The following TLCD4 variants were observed in gnomAD, a reference collection of about 807,000 sequenced individuals.
TLCD4 encodes the protein TLC domain-containing protein 4.
A neutral mutation model predicts 24.2 loss-of-function variants in TLCD4; 7 were observed. That is an observed-to-expected ratio of 0.29 (90% CI 0.16 to 0.54). The LOEUF is 0.54. Ranked by LOEUF, TLCD4 falls within the 20% of genes least tolerant of loss-of-function variation. The probability of loss-of-function intolerance (pLI) is 0.95; values close to 1 mark genes in which losing one functional copy is unlikely to be tolerated. For synonymous variants in TLCD4, 103 were observed against 106.4 expected, an observed-to-expected ratio of 0.97 and a Z score of 0.20; for missense variants, 259 against 313.9, an observed-to-expected ratio of 0.82 and a Z score of 1.32.
chr1:95,190,051 T>G (rs1176883975), intron 6 of TLCD4, among the ~76,000 whole-genome samples: 3 of 152,158 alleles, frequency 2.0e-5, no homozygotes, highest in Non-Finnish European at 2.9e-5. Context: ...ATTTTAGCTA[T>G]TTTAATAGGT....
intron 1 of TLCD4, among the ~76,000 whole-genome samples, chr1:95,119,035 T>G (rs1310710353): frequency 1.3e-5 from 2 of 152,226 alleles, no homozygotes; most frequent in African/African-American, 4.8e-5. Context: ...TTTATCTGTT[T>G]AGGCTGGATG....
chr1:95,173,972 G>A, intron 6 of TLCD4, 83 bp downstream of exon 6: 1 of 1,563,954 alleles, frequency 6.4e-7, no homozygotes, highest in Non-Finnish European at 8.8e-7. Flanking sequence ...TGATCCTCAA[G>A]TTACTATATA....
chr1:95,111,293 T>TAAAACAAAAC, the TLCD4 span, among the ~76,000 whole-genome samples: 1 of 145,012 alleles, frequency 6.9e-6, no homozygotes, highest in Non-Finnish European at 1.5e-5. Flanking sequence ...TTGTGTCTCT[T>TAAAACAAAAC]AAAACAAAAC....
the TLCD4 span, among the ~76,000 whole-genome samples, chr1:95,105,893 T>TCAAAAAAAAAAAAAAA: frequency 8.9e-4 from 92 of 102,828 alleles, 9 homozygotes; most frequent in East Asian, 1.1e-3. Flanking sequence ...AGACTCCGTC[T>TCAAAAAAAAAAAAAAA]TAAAAAAAAA....
chr1:95,112,858 G>A (rs1676366253), upstream of TLCD4, among the ~76,000 whole-genome samples: 1 of 151,966 alleles, frequency 6.6e-6, no homozygotes, highest in African/African-American at 2.4e-5. Flanking sequence ...CTAAAATTTA[G>A]GTTAGATACA....
At chr1:95,162,366 C>T (rs1345489951) in intron 5 of TLCD4, among the ~76,000 whole-genome samples, 6 of 138,178 alleles carry the variant, frequency 4.3e-5, no homozygotes, top group Non-Finnish European at 1.0e-4. Context: ...AGATCTTCCT[C>T]CATTTCTTTA....
chr1:95,107,333 G>A, the TLCD4 span, among the ~76,000 whole-genome samples: 1 of 152,194 alleles, frequency 6.6e-6, no homozygotes, highest in Admixed American at 6.5e-5. Context: ...TGAGGCAGGA[G>A]AATGGCGTGA....
chr1:95,148,713 C>T lies in TLCD4; in HGVS notation c.167C>T (p.Thr56Ile), dbSNP rs1047773498. Residue 56 changes from threonine to isoleucine, a missense_variant, in exon 3 of 7, where the codon ACA becomes ATA. Transcript: ENST00000370203. ...KIEWNSRVVS[T>I]CHSLVVGIFG... ...TTGTTTAATTTCAGGGTAGTATCCA[C>T]ATGCCATTCTTTGGTGGTTGGTATT... is the stretch of plus-strand genomic sequence containing the variant. 1 of 1,613,684 alleles carries T rather than the reference C, an allele frequency of 6.2e-7. No homozygotes were observed. Among genetic ancestry groups the T allele is most frequent in the Admixed American group, 1.7e-5 (1 of 60,002 alleles).
the TLCD4 span, among the ~76,000 whole-genome samples, chr1:95,098,179 C>T: frequency 7.9e-5 from 12 of 152,080 alleles, no homozygotes; most frequent in African/African-American, 2.9e-4. Flanking sequence ...GATTCTGGCT[C>T]AAAGAGGTTC....
intron 4 of TLCD4, among the ~76,000 whole-genome samples, 172 bp downstream of exon 4, chr1:95,150,438 G>T (rs1677463466): frequency 6.6e-6 from 1 of 152,076 alleles, no homozygotes; most frequent in Non-Finnish European, 1.5e-5. Context: ...TCATGAAATG[G>T]TTTTCTGTTT....
Position 95,151,304 on chromosome 1 carries a change from ACTCACTT to A in TLCD4, c.305-20_305-14del. ...CAACTTTCTTCTTATGTAATACCTT[ACTCACTT>A]TTCTTTCTTACAGATTTGTCCATTA... On this transcript the variant is annotated splice_polypyrimidine_tract_variant and intron_variant, in intron 4 of 6. Coordinates refer to ENST00000370203, the MANE Select transcript of TLCD4 (RefSeq NM_152487.3). 6.2e-7 allele frequency: 1 copy of A among 1,609,908 alleles called. No individual in the cohort carries two copies. Among genetic ancestry groups the A allele is most frequent in the Non-Finnish European group, 8.5e-7 (1 of 1,176,872 alleles).
At chr1:95,172,093 C>T (rs982836100) in intron 5 of TLCD4, among the ~76,000 whole-genome samples, 3 of 152,186 alleles carry the variant, frequency 2.0e-5, no homozygotes, top group African/African-American at 7.2e-5. Context: ...GCAGAGAGCT[C>T]ATGACCCTGT....
chr1:95,173,509 G>T (rs547033288), intron 5 of TLCD4, among the ~76,000 whole-genome samples: 17 of 152,270 alleles, frequency 1.1e-4, no homozygotes, highest in Admixed American at 1.1e-3. Context: ...ATTACTAATG[G>T]TTATTTAGAG....
intron 1 of TLCD4, among the ~76,000 whole-genome samples, chr1:95,139,959 C>T (rs187642951): frequency 6.6e-6 from 1 of 152,284 alleles, no homozygotes; most frequent in East Asian, 1.9e-4. Flanking sequence ...ATATCATTGT[C>T]GTCCACCTCC....
intron 5 of TLCD4, among the ~76,000 whole-genome samples, chr1:95,154,967 G>A (rs770778346): frequency 2.4e-4 from 36 of 151,206 alleles, no homozygotes; most frequent in Non-Finnish European, 1.2e-4. Context: ...ATTCCAATTT[G>A]GGATGCCCAG....
chr1:95,175,191 C>T (rs950796511), intron 6 of TLCD4, among the ~76,000 whole-genome samples: 5 of 152,202 alleles, frequency 3.3e-5, no homozygotes, highest in African/African-American at 1.2e-4. Context: ...GCCCATTAAA[C>T]ACTAATTTCG....
At chr1:95,095,536 T>C in the TLCD4 span, among the ~76,000 whole-genome samples, 1 of 152,140 alleles carries the variant, frequency 6.6e-6, no homozygotes, top group Admixed American at 6.5e-5. Flanking sequence ...TAGCTGGGAT[T>C]ACAGGTGCCT....
At chr1:95,169,046 A>ATG (rs1678120864) in intron 5 of TLCD4, among the ~76,000 whole-genome samples, 8 of 151,912 alleles carry the variant, frequency 5.3e-5, no homozygotes, top group Admixed American at 3.9e-4. Context: ...TGCTCAGCGC[A>ATG]GTTTCTGAGA....
the TLCD4 span, among the ~76,000 whole-genome samples, chr1:95,102,017 A>G: frequency 6.6e-6 from 1 of 152,254 alleles, no homozygotes; most frequent in Non-Finnish European, 1.5e-5. Context: ...TTAATAGGCA[A>G]TAAAGAGTAA....
Sources: gnomAD v4.1 joint callset for allele counts (sites outside exome capture counted in the v4.1 genomes callset) on GRCh38, gnomAD v4.1.1 for gene constraint, MANE v1.5 for transcripts, NCBI Gene and HGNC (gene_info 2026-07-23, HGNC 2026-07-21) for gene names.